Variants in DAB2IP observed in about 807,000 individuals in gnomAD.
DAB2IP encodes the protein DAB2 interacting protein.
DAB2IP carries 28 observed loss-of-function variants against 107.2 expected under a neutral mutation model. The observed-to-expected ratio is 0.26, with a 90% CI of 0.19 to 0.36. The LOEUF (loss-of-function observed/expected upper bound fraction) is 0.36. Ranked by LOEUF, DAB2IP falls within the 10% of genes least tolerant of loss-of-function variation. The probability of loss-of-function intolerance (pLI) is 1.00; values close to 1 mark genes in which losing one functional copy is unlikely to be tolerated. For missense variants in DAB2IP, 1,400 were observed against 1,644.7 expected, an observed-to-expected ratio of 0.85 and a Z score of 2.57; for synonymous variants, 755 against 706.4, an observed-to-expected ratio of 1.07 and a Z score of -1.09.
At chr9:121,759,070 ATC>A (rs1833696505) in intron 5 of DAB2IP, 74 bp downstream of exon 5, 8 of 1,451,538 alleles carry the variant, frequency 5.5e-6, no homozygotes, top group Non-Finnish European at 6.7e-6. Context: ...AAGAGAGACT[ATC>A]TCTGTGGTGT....
At chr9:121,627,258 G>T (rs1831690242) in intron 1 of DAB2IP, among the ~76,000 whole-genome samples, 1 of 151,912 alleles carries the variant, frequency 6.6e-6, no homozygotes, top group South Asian at 2.1e-4. Flanking sequence ...CACGGTGTCG[G>T]TATACACATT....
chr9:121,663,875 T>C (rs536066740), intron 1 of DAB2IP, among the ~76,000 whole-genome samples: 4 of 152,352 alleles, frequency 2.6e-5, no homozygotes, highest in East Asian at 3.9e-4. Flanking sequence ...CTTTCCCACA[T>C]TGGGGCAACC....
intron 1 of DAB2IP, among the ~76,000 whole-genome samples, chr9:121,676,453 A>C (rs7875955): frequency 0.42 from 63,578 of 151,964 alleles, 14,239 homozygotes; most frequent in African/African-American, 0.56. Flanking sequence ...TCTGGGCATT[A>C]CCGTCTCACT....
intron 1 of DAB2IP, among the ~76,000 whole-genome samples, chr9:121,589,312 C>T (rs928830677): frequency 1.3e-5 from 2 of 152,176 alleles, no homozygotes; most frequent in Non-Finnish European, 1.5e-5. Context: ...CCTGCCCCCT[C>T]TCATGGCTGC....
chr9:121,745,072 C>T (rs1269097889), intron 3 of DAB2IP, among the ~76,000 whole-genome samples: 1 of 152,144 alleles, frequency 6.6e-6, no homozygotes, highest in Non-Finnish European at 1.5e-5. Flanking sequence ...GCTAGCTTAG[C>T]CTGGAGTCAG....
exon 16 of DAB2IP, chr9:121,783,617 A>G (rs1835811781): frequency 6.3e-7 from 1 of 1,577,440 alleles, no homozygotes; most frequent in Non-Finnish European, 8.7e-7. Flanking sequence ...CTGCATGGGA[A>G]ATAGCGGCCC....
At chr9:121,759,787 GCTCCTCCTGGGTCTGAGGA>G in intron 5 of DAB2IP, 79 bp from the exon 6 acceptor site, 1 of 1,140,354 alleles carries the variant, frequency 8.8e-7, no homozygotes, top group Non-Finnish European at 1.2e-6. Context: ...CACCTTCAGA[GCTCCTCCTGGGTCTGAGGA>G]CTCTCTCAGG....
intron 1 of DAB2IP, among the ~76,000 whole-genome samples, chr9:121,602,214 A>C (rs966907267): frequency 1.3e-5 from 2 of 152,180 alleles, no homozygotes; most frequent in South Asian, 2.1e-4. Flanking sequence ...CTCCCAACTT[A>C]AGATGGGTAT....
At chr9:121,779,144 T>A (rs893149613) in intron 14 of DAB2IP, among the ~76,000 whole-genome samples, 1 of 152,228 alleles carries the variant, frequency 6.6e-6, no homozygotes. Flanking sequence ...AATTATTTCT[T>A]CTTCTGTGTG....
rs1829796561 is a variant in DAB2IP, at chr9:121,701,770, C to G, written c.362+2312C>G. Among the ~76,000 whole-genome samples the G allele has an allele frequency of 6.6e-6, 1 of 152,150 alleles. No individual in the cohort carries two copies. Among genetic ancestry groups the G allele is most frequent in the South Asian group, 2.1e-4 (1 of 4,820 alleles). ...ACAACTATGGTGACCCCGCCCGCCC[C>G]CCAGCTCATGGCCAAACCTGGATGA... On this transcript the variant is annotated intron_variant, in intron 3 of 15. Coordinates refer to ENST00000408936, the Ensembl canonical transcript of DAB2IP. The surrounding 1 kb of genome is among the most constrained non-coding windows in gnomAD (Gnocchi z 4.7).
chr9:121,713,727 C>T (rs1245568996), intron 3 of DAB2IP, among the ~76,000 whole-genome samples: 1 of 152,136 alleles, frequency 6.6e-6, no homozygotes, highest in Non-Finnish European at 1.5e-5. Context: ...TTAGAGGCTG[C>T]ACCGGGGCTG....
chr9:121,732,031 C>A lies in DAB2IP; in HGVS notation c.363-24982C>A, dbSNP rs146812635. Among the ~76,000 whole-genome samples the A allele has an allele frequency of 6.7e-3, 1,015 of 152,218 alleles. 8 individuals carry two copies. Among genetic ancestry groups the A allele is most frequent in the Middle Eastern group, 0.01 (3 of 294 alleles). On this transcript the variant is annotated intron_variant, in intron 3 of 15. Coordinates refer to ENST00000408936, the Ensembl canonical transcript of DAB2IP. ...TGGCTCTGGTGGGAGCCCAGAGTGG[C>A]ACTGGACTCTCTGGGGGGCCAGGGC...
At chr9:121,655,115 G>A (rs550262536) in intron 1 of DAB2IP, among the ~76,000 whole-genome samples, 2 of 150,438 alleles carry the variant, frequency 1.3e-5, no homozygotes, top group Non-Finnish European at 2.9e-5. Context: ...CTGCTGTGGT[G>A]GGGGGTAGAG....
exon 16 of DAB2IP, chr9:121,783,496 C>T: frequency 6.2e-7 from 1 of 1,614,122 alleles, no homozygotes; most frequent in Non-Finnish European, 8.5e-7. Context: ...CCTGCAGGCC[C>T]TGAGAAGGTG....
chr9:121,610,339 T>G (rs1294622795), intron 1 of DAB2IP, among the ~76,000 whole-genome samples: 1 of 152,196 alleles, frequency 6.6e-6, no homozygotes, highest in Non-Finnish European at 1.5e-5. Flanking sequence ...AGCTCACACT[T>G]TCTGAGTACT....
rs956403351 is a variant in DAB2IP at position 121,599,299 on chromosome 9, C to T, written c.40+32071C>T. On this transcript the variant is annotated intron_variant, in intron 1 of 16. Transcript: ENST00000259371. This position sits in a 1 kb window ranked among gnomAD's most constrained non-coding sequence, Gnocchi z 6.9. The stretch of plus-strand genomic sequence containing the variant: ...GAGGGGAGGGGGCGTGTGGTCCCGC[C>T]GGCATCTCGGGCCGGCACCAGGCTG... 6.6e-6 allele frequency among the ~76,000 whole-genome samples: 1 copy of T among 152,102 alleles called. No individual in the cohort carries two copies.
At chr9:121,596,258 G>A (rs1830527110) in intron 1 of DAB2IP, among the ~76,000 whole-genome samples, 1 of 152,182 alleles carries the variant, frequency 6.6e-6, no homozygotes, top group Non-Finnish European at 1.5e-5. Flanking sequence ...TTGAACCCAG[G>A]AGACAGAGGT....
At chr9:121,768,728 G>A in intron 10 of DAB2IP, 95 bp downstream of exon 10, 1 of 1,504,500 alleles carries the variant, frequency 6.6e-7, no homozygotes, top group Non-Finnish European at 9.0e-7. Flanking sequence ...CAGAGAGTTT[G>A]CCCAAGTGGC....
intron 2 of DAB2IP, among the ~76,000 whole-genome samples, chr9:121,680,205 C>T (rs1034218549): frequency 3.3e-5 from 5 of 152,150 alleles, no homozygotes; most frequent in East Asian, 1.9e-4. Flanking sequence ...GTCAAGGTCA[C>T]GTGGAACCTC....
Sources: allele counts gnomAD v4.1 joint callset (sites outside exome capture counted in the v4.1 genomes callset), GRCh38; gene constraint gnomAD v4.1.1; non-coding constraint Gnocchi (gnomAD v3.1); transcripts MANE v1.5; gene names NCBI Gene and HGNC (gene_info 2026-07-23, HGNC 2026-07-21).